Variants in KHDRBS2 observed in about 807,000 individuals in gnomAD.
KHDRBS2 encodes KH domain-containing, RNA-binding, signal transduction-associated protein 2.
In KHDRBS2, 26 loss-of-function variants were observed where a neutral mutation model predicts 44.3. The ratio of observed to expected loss-of-function variants is 0.59; its 90% CI spans 0.43 to 0.81. KHDRBS2 has a LOEUF of 0.81. Among genes scored for constraint, KHDRBS2 ranks in the 40% least tolerant of loss-of-function variants. The probability of loss-of-function intolerance (pLI) is 0.00; values close to 1 mark genes in which losing one functional copy is unlikely to be tolerated. For missense variants in KHDRBS2, 476 were observed against 433.1 expected, an observed-to-expected ratio of 1.10 and a Z score of -0.88; for synonymous variants, 194 against 151.1, an observed-to-expected ratio of 1.28 and a Z score of -2.08.
intron 1 of KHDRBS2, among the ~76,000 whole-genome samples, chr6:62,247,583 A>T (rs1394411964): frequency 6.6e-6 from 1 of 152,022 alleles, no homozygotes; most frequent in Non-Finnish European, 1.5e-5. Context: ...GAGGCCCAGC[A>T]AACTTGGATT....
At chr6:62,134,142 T>C (rs144490699) in intron 2 of KHDRBS2, among the ~76,000 whole-genome samples, 85 of 152,228 alleles carry the variant, frequency 5.6e-4, no homozygotes, top group African/African-American at 2.0e-3. Flanking sequence ...GCACCTCTTA[T>C]TACAGACCCA....
At chr6:61,701,402 G>C (rs367663290) in intron 7 of KHDRBS2, among the ~76,000 whole-genome samples, 3 of 151,868 alleles carry the variant, frequency 2.0e-5, no homozygotes, top group Non-Finnish European at 4.4e-5. Context: ...TATTTCAATC[G>C]CAAGAGATAA....
At chr6:62,132,973 T>C (rs551603279) in intron 2 of KHDRBS2, among the ~76,000 whole-genome samples, 1 of 152,200 alleles carries the variant, frequency 6.6e-6, no homozygotes, top group Admixed American at 6.5e-5. Context: ...AAGGGCCACA[T>C]AGTAAAGTAT....
chr6:61,778,747 G>T (rs1168316072), intron 6 of KHDRBS2, among the ~76,000 whole-genome samples: 2 of 152,120 alleles, frequency 1.3e-5, no homozygotes, highest in Non-Finnish European at 2.9e-5. Flanking sequence ...ATGCCAAGAG[G>T]CAGTAGATTA....
At chr6:62,146,730 T>C (rs1479139750) in intron 2 of KHDRBS2, among the ~76,000 whole-genome samples, 1 of 151,766 alleles carries the variant, frequency 6.6e-6, no homozygotes, top group East Asian at 1.9e-4. Flanking sequence ...AAGAAAGCTG[T>C]CCCTTAAATA....
intron 2 of KHDRBS2, among the ~76,000 whole-genome samples, chr6:62,075,089 T>G (rs1402803016): frequency 6.6e-6 from 1 of 151,940 alleles, no homozygotes; most frequent in African/African-American, 2.4e-5. Context: ...TAGAGTAGTT[T>G]AATGTTTGCT....
At chr6:61,785,059 G>A (rs1429787693) in intron 6 of KHDRBS2, among the ~76,000 whole-genome samples, 1 of 151,938 alleles carries the variant, frequency 6.6e-6, no homozygotes, top group Non-Finnish European at 1.5e-5. Context: ...TGAAATGGGA[G>A]GATCACCTGA....
Position 61,768,478 on chromosome 6 carries a change from C to A in KHDRBS2, c.811-35714G>T, listed in dbSNP as rs1002312481. Among the ~76,000 whole-genome samples the A allele has an allele frequency of 1.1e-4, 17 of 152,168 alleles. 2 individuals carry two copies. The highest frequency in any genetic ancestry group is 8.5e-4 in the Admixed American group (13 of 15,274). ...CCCTTTCTCAACCTCATTTTAAAGG[C>A]CAATATCTCTTAGATTTGCATTTTT... On this transcript the variant is annotated intron_variant, in intron 6 of 8. Coordinates refer to ENST00000281156, the MANE Select transcript of KHDRBS2 (RefSeq NM_152688.4).
chr6:61,720,371 T>G (rs1772242398), intron 7 of KHDRBS2, among the ~76,000 whole-genome samples: 1 of 152,118 alleles, frequency 6.6e-6, no homozygotes, highest in South Asian at 2.1e-4. Context: ...CCACAATGGT[T>G]GAACTAGTTT....
At chr6:62,128,672 T>A (rs1809540973) in intron 2 of KHDRBS2, among the ~76,000 whole-genome samples, 1 of 151,782 alleles carries the variant, frequency 6.6e-6, no homozygotes, top group South Asian at 2.1e-4. Context: ...TGCTTTAATT[T>A]TTTTTTGTTC....
intron 3 of KHDRBS2, among the ~76,000 whole-genome samples, chr6:61,999,080 T>G (rs941204321): frequency 3.3e-5 from 5 of 152,096 alleles, no homozygotes; most frequent in Non-Finnish European, 7.4e-5. Flanking sequence ...TTTCTTGCAT[T>G]AAGGCAAACT....
At chr6:62,229,119 T>A (rs1832437449) in intron 1 of KHDRBS2, among the ~76,000 whole-genome samples, 1 of 152,122 alleles carries the variant, frequency 6.6e-6, no homozygotes, top group African/African-American at 2.4e-5. Context: ...AGTCTAAGTC[T>A]GCTGGTTTGT....
At chr6:61,721,060 C>G (rs1772411172) in intron 7 of KHDRBS2, among the ~76,000 whole-genome samples, 1 of 151,102 alleles carries the variant, frequency 6.6e-6, no homozygotes, top group African/African-American at 2.4e-5. Context: ...GCTTGTTTTT[C>G]TCAGGTTTGT....
intron 1 of KHDRBS2, among the ~76,000 whole-genome samples, chr6:62,225,418 T>C (rs1831601334): frequency 6.6e-6 from 1 of 152,242 alleles, no homozygotes; most frequent in Non-Finnish European, 1.5e-5. Flanking sequence ...TCAGATTTCC[T>C]GAAAAGACTT....
At chr6:62,175,272 C>T (rs1820860806) in intron 2 of KHDRBS2, among the ~76,000 whole-genome samples, 2 of 151,432 alleles carry the variant, frequency 1.3e-5, no homozygotes, top group South Asian at 2.1e-4. Context: ...GTTTGGCAGG[C>T]TATTCATAAG....
intron 2 of KHDRBS2, among the ~76,000 whole-genome samples, chr6:62,063,183 C>T (rs1404811705): frequency 1.5e-4 from 17 of 113,152 alleles, no homozygotes; most frequent in African/African-American, 3.6e-4. Flanking sequence ...GATTCACAGC[C>T]GAATTCTACC....
chr6:61,664,615 G>A, the KHDRBS2 span, among the ~76,000 whole-genome samples: 10 of 151,618 alleles, frequency 6.6e-5, no homozygotes, highest in African/African-American at 1.7e-4. Flanking sequence ...TCATAAACAC[G>A]GACAAATTAG....
chr6:61,564,806 C>T, the KHDRBS2 span, among the ~76,000 whole-genome samples: 6 of 151,332 alleles, frequency 4.0e-5, no homozygotes, highest in Admixed American at 6.6e-5. Context: ...ATTATGTAGA[C>T]AAAAAAAGGT....
intron 3 of KHDRBS2, among the ~76,000 whole-genome samples, chr6:61,982,968 T>G (rs1377959052): frequency 6.6e-6 from 1 of 152,062 alleles, no homozygotes; most frequent in African/African-American, 2.4e-5. Context: ...AAATGAAATA[T>G]TTATCTTTTT....
Sources: allele counts gnomAD v4.1 joint callset (sites outside exome capture counted in the v4.1 genomes callset), GRCh38; gene constraint gnomAD v4.1.1; transcripts MANE v1.5; gene names NCBI Gene and HGNC (gene_info 2026-07-23, HGNC 2026-07-21).